The following CDC14B variants were observed in gnomAD, a reference collection of about 807,000 sequenced individuals.
CDC14B encodes the protein cell division cycle 14B.
A neutral mutation model predicts 64.2 loss-of-function variants in CDC14B; 22 were observed. That is an observed-to-expected ratio of 0.34 (90% confidence interval 0.24 to 0.49). The LOEUF is 0.49. CDC14B is among the 20% of genes least tolerant of loss of function. The probability of loss-of-function intolerance (pLI) is 0.99; values close to 1 mark genes in which losing one functional copy is unlikely to be tolerated. For synonymous variants in CDC14B, 191 were observed against 215.8 expected, an observed-to-expected ratio of 0.89 and a Z score of 1.01; for missense variants, 498 against 629.9, an observed-to-expected ratio of 0.79 and a Z score of 2.24.
intron 1 of CDC14B, 71 bp from the exon 2 acceptor site, chr9:96,565,554 C>A: frequency 1.0e-6 from 1 of 971,536 alleles, no homozygotes; most frequent in South Asian, 1.3e-5. Context: ...TGACACAACT[C>A]TTTTCAGATG....
intron 5 of CDC14B, among the ~76,000 whole-genome samples, chr9:96,547,629 T>C (rs1027426442): frequency 3.3e-5 from 5 of 151,956 alleles, no homozygotes; most frequent in Non-Finnish European, 4.4e-5. Context: ...AATTTTTTTT[T>C]CCCCAAAGAG....
chr9:96,608,977 A>G (rs1847143483), intron 1 of CDC14B, among the ~76,000 whole-genome samples: 1 of 151,944 alleles, frequency 6.6e-6, no homozygotes, highest in Non-Finnish European at 1.5e-5. Flanking sequence ...AATTATTCAT[A>G]TATATATATT....
chr9:96,618,683 TTACGCGC>T lies in CDC14B; in HGVS notation c.160+529_160+535del. On this transcript the variant is annotated intron_variant, in intron 1 of 13. Transcript: ENST00000375241. ...GGAGGCCCAGGAGAGGGGCTCGGGC[TTACGCGC>T]CGGACGGGCAACGCGGCGCCCAGGG... 3 of 484,636 alleles carry T rather than the reference TTACGCGC, an allele frequency of 6.2e-6. 1 individual carries two copies. Among genetic ancestry groups the T allele is most frequent in the Non-Finnish European group, 1.2e-5 (3 of 245,528 alleles). The allele number at this position is 484,636 out of a possible 1,614,324, so 30.0% of individuals were successfully genotyped here.
chr9:96,566,380 G>C (rs1417120319), intron 1 of CDC14B, among the ~76,000 whole-genome samples: 1 of 144,198 alleles, frequency 6.9e-6, no homozygotes, highest in South Asian at 2.2e-4. Context: ...TTTTTGATCT[G>C]CAATTCAACT....
At chr9:96,545,711 CTT>C (rs59702080) in intron 5 of CDC14B, among the ~76,000 whole-genome samples, 18,205 of 142,402 alleles carry the variant, frequency 0.13, 3,629 homozygotes, top group African/African-American at 0.43. Context: ...TTCTTCAATG[CTT>C]TTTTTTTTTT....
At chr9:96,615,305 T>C (rs1028901866) in intron 1 of CDC14B, among the ~76,000 whole-genome samples, 1 of 152,188 alleles carries the variant, frequency 6.6e-6, no homozygotes, top group Admixed American at 6.5e-5. Flanking sequence ...AGTCTGCTCC[T>C]AGTAAGAGTA....
chr9:96,600,761 C>T (rs766059707), intron 1 of CDC14B, among the ~76,000 whole-genome samples: 8 of 152,100 alleles, frequency 5.3e-5, no homozygotes, highest in Non-Finnish European at 7.4e-5. Context: ...CCTCAGCTTC[C>T]CAAAGTGCTG....
At chr9:96,537,628 C>CT (rs977195126) in intron 7 of CDC14B, among the ~76,000 whole-genome samples, 1 of 152,246 alleles carries the variant, frequency 6.6e-6, no homozygotes, top group Non-Finnish European at 1.5e-5. Flanking sequence ...ATAAAACTAA[C>CT]TTCAAGTCCA....
chr9:96,502,567 A>C lies in CDC14B; in HGVS notation c.*1186T>G. The C allele has an allele frequency of 1.0e-4, 24 of 236,552 alleles. No individual in the cohort carries two copies. The highest frequency in any genetic ancestry group is 1.1e-4 in the Non-Finnish European group (14 of 126,480). The allele number at this position is 236,552 out of a possible 1,614,324, so 14.7% of individuals were successfully genotyped here. On this transcript the variant is annotated 3_prime_UTR_variant, in exon 14 of 14. Transcript: ENST00000375241. ...TCTTATGGAAGGAACTGAGGTGAGTACTATATATTCTTTTATTTCGGGCCC... is the reference window on the plus strand; with the variant it reads ...TCTTATGGAAGGAACTGAGGTGAGTCCTATATATTCTTTTATTTCGGGCCC...
In CDC14B at chr9:96,533,761, T is replaced by C. The variant is rs557642591; in HGVS notation, c.946+166A>G. On this transcript the variant is annotated intron_variant, in intron 9 of 13. Coordinates refer to ENST00000375241, the MANE Select transcript of CDC14B (RefSeq NM_033331.4). Reference sequence around the variant, plus strand: ...TGTGATGTATTTGTAGAATTACTTATGAAAATAAGTTACTATACTTTTCAT... The same window carrying C: ...TGTGATGTATTTGTAGAATTACTTACGAAAATAAGTTACTATACTTTTCAT... Among the ~76,000 whole-genome samples, 29 of 152,380 alleles carry C rather than the reference T, an allele frequency of 1.9e-4. No individual in the cohort carries two copies. In the South Asian group the frequency reaches 4.3e-3, roughly 23 times the overall value.
intron 1 of CDC14B, chr9:96,618,421 A>G (rs951670934): frequency 3.9e-6 from 2 of 514,592 alleles, no homozygotes; most frequent in African/African-American, 1.9e-5. Context: ...ACAGCTGCCA[A>G]ATTGGATTTA....
At chr9:96,608,526 C>T (rs1207064821) in intron 1 of CDC14B, among the ~76,000 whole-genome samples, 1 of 152,120 alleles carries the variant, frequency 6.6e-6, no homozygotes, top group Non-Finnish European at 1.5e-5. Context: ...AGTTCTTCCC[C>T]AGCACCCATA....
rs1381178989 is a variant in CDC14B at position 96,507,477 on chromosome 9, G to A, written c.1460+2196C>T. Among the ~76,000 whole-genome samples the A allele has an allele frequency of 2.5e-4, 38 of 151,056 alleles. 1 individual carries two copies. The highest frequency in any genetic ancestry group is 1.2e-3 in the East Asian group (6 of 5,134). On this transcript the variant is annotated intron_variant, in intron 13 of 13. Coordinates refer to ENST00000375241, the MANE Select transcript of CDC14B (RefSeq NM_033331.4). ...GTTGCCCAGGCTAGAGTGCAATGGC[G>A]CGATCTCAGCTCACTGCAACCTCCG...
At chr9:96,526,404 C>T (rs1483322522) in intron 9 of CDC14B, among the ~76,000 whole-genome samples, 1 of 152,030 alleles carries the variant, frequency 6.6e-6, no homozygotes, top group Non-Finnish European at 1.5e-5. Context: ...GAGTTAAGTG[C>T]AAACCATGAG....
At chr9:96,540,463 T>C (rs962282528) in intron 6 of CDC14B, among the ~76,000 whole-genome samples, 5 of 151,712 alleles carry the variant, frequency 3.3e-5, no homozygotes, top group African/African-American at 1.2e-4. Flanking sequence ...TGAGACCTCA[T>C]CTCCACAAAA....
At chr9:96,567,194 G>A in intron 1 of CDC14B, 1 of 285,256 alleles carries the variant, frequency 3.5e-6, no homozygotes, top group South Asian at 4.5e-5. Context: ...GAGGCCAGCG[G>A]GCCTGCAGAG....
intron 9 of CDC14B, 42 bp from the exon 10 acceptor site, chr9:96,523,767 G>A (rs1220622065): frequency 6.3e-7 from 1 of 1,596,154 alleles, no homozygotes; most frequent in South Asian, 1.1e-5. Context: ...TTGGGCTGAT[G>A]TACTCCAGGA....
At chr9:96,597,196 T>C (rs1846138827) in intron 1 of CDC14B, among the ~76,000 whole-genome samples, 1 of 151,956 alleles carries the variant, frequency 6.6e-6, no homozygotes, top group African/African-American at 2.4e-5. Context: ...CCAATTCAAG[T>C]GATAAGACAG....
chr9:96,600,256 A>T (rs555685140), intron 1 of CDC14B, among the ~76,000 whole-genome samples: 10 of 150,480 alleles, frequency 6.6e-5, no homozygotes, highest in Non-Finnish European at 1.0e-4. Context: ...ATATATATAT[A>T]TTTTATGCAA....
Sources: allele counts gnomAD v4.1 joint callset (sites outside exome capture counted in the v4.1 genomes callset), GRCh38; gene constraint gnomAD v4.1.1; transcripts MANE v1.5; gene names NCBI Gene and HGNC (gene_info 2026-07-23, HGNC 2026-07-21).